Variants in ZNF503 observed in about 807,000 individuals in gnomAD.
ZNF503 encodes zinc finger protein 503, also known as NocA-like zinc finger 2.
Under a neutral mutation model 34.4 loss-of-function variants are expected in ZNF503, and 15 were observed. The ratio of observed to expected loss-of-function variants is 0.44; its 90% CI spans 0.29 to 0.67. The LOEUF (loss-of-function observed/expected upper bound fraction) is 0.67, where lower values mean the gene tolerates loss of function less well. Ranked by LOEUF, ZNF503 falls within the 30% of genes least tolerant of loss-of-function variation. ZNF503 has a pLI of 0.13. For missense variants in ZNF503, 1,007 were observed against 926.8 expected (o/e 1.09, Z -1.12); for synonymous variants, 580 against 456.8 (o/e 1.27, Z -3.44).
the ZNF503 span, among the ~76,000 whole-genome samples, chr10:75,284,455 G>A: frequency 2.0e-5 from 3 of 152,050 alleles, no homozygotes; most frequent in Admixed American, 2.0e-4. Context: ...GAGGGCGATG[G>A]GGAAGAGAGG....
the ZNF503 span, among the ~76,000 whole-genome samples, chr10:75,388,954 C>T: frequency 6.6e-6 from 1 of 152,262 alleles, no homozygotes; most frequent in East Asian, 1.9e-4. Context: ...CATGTGGACT[C>T]ATTTCTGTAA....
chr10:75,398,843 G>A lies in ZNF503; in HGVS notation c.1847C>T (p.Pro616Leu). 1 of 1,503,142 alleles carries A rather than the reference G, an allele frequency of 6.7e-7. No individual in the cohort carries two copies. The highest frequency in any genetic ancestry group is 8.8e-7 in the Non-Finnish European group (1 of 1,131,894). The allele number at this position is 1,503,142 out of a possible 1,614,324, so 93.1% of individuals were successfully genotyped here. The change falls in exon 2 of 2, where the codon CCC becomes CTC. Residue 616 changes from proline (P) to leucine (L), a missense_variant. Coordinates refer to ENST00000372524, the MANE Select transcript of ZNF503 (RefSeq NM_032772.6). ...TCCGGTGGCGGCGGGCACCGGCACG[G>A]GGGCGCCAGGCGTGGGAAGCGGGCT... ...SKSPLPTPGA[P>L]VPVPAATGPY...
chr10:75,351,400 G>T, the ZNF503 span, among the ~76,000 whole-genome samples: 253 of 152,270 alleles, frequency 1.7e-3, no homozygotes, highest in African/African-American at 6.0e-3. Flanking sequence ...TCAAACTCCC[G>T]ACCTTCAGTG....
At chr10:75,395,925 TG>T (rs1843691367), downstream of ZNF503, among the ~76,000 whole-genome samples, 1 of 151,866 alleles carries the variant, frequency 6.6e-6, no homozygotes, top group African/African-American at 2.4e-5. The surrounding 1 kb of genome is among the most constrained non-coding windows in gnomAD (Gnocchi z 4.4). Flanking sequence ...GGCGGGGGAA[TG>T]TCTAGGTCCT....
the ZNF503 span, among the ~76,000 whole-genome samples, chr10:75,374,172 C>T: frequency 6.6e-6 from 1 of 152,098 alleles, no homozygotes; most frequent in African/African-American, 2.4e-5. Context: ...ATTAGCAGGC[C>T]ATGGTGGTGC....
At chr10:75,299,340 C>T in the ZNF503 span, among the ~76,000 whole-genome samples, 1 of 152,196 alleles carries the variant, frequency 6.6e-6, no homozygotes, top group Non-Finnish European at 1.5e-5. Flanking sequence ...TCCCCCATAA[C>T]GTTTTTTAAA....
In ZNF503 at chr10:75,399,256, C is replaced by T; in HGVS notation, c.1434G>A (p.Val478=). ...LVYPTHPLHG[V]HSSLTAAAAA... ...CCGCGGCGGCCGTTAGCGAGGAGTG[C>T]ACACCGTGCAGCGGGTGCGTGGGGT... The change falls in exon 2 of 2, where the codon GTG becomes GTA. Residue 478 remains valine (V), a synonymous_variant. Coordinates refer to ENST00000372524, the MANE Select transcript of ZNF503 (RefSeq NM_032772.6). The T allele has an allele frequency of 6.3e-7, 1 of 1,596,760 alleles. No homozygotes were observed. The highest frequency in any genetic ancestry group is 8.5e-7 in the Non-Finnish European group (1 of 1,171,766).
chr10:75,330,539 T>C, the ZNF503 span, among the ~76,000 whole-genome samples: 1 of 152,176 alleles, frequency 6.6e-6, no homozygotes. Flanking sequence ...TTGTAATTGG[T>C]CTATTCAGGC....
chr10:75,349,628 G>A, the ZNF503 span, among the ~76,000 whole-genome samples: 4 of 152,182 alleles, frequency 2.6e-5, no homozygotes, highest in African/African-American at 9.7e-5. Flanking sequence ...AGGTCTGTCT[G>A]ACTCCAATGC....
At chr10:75,281,530 C>A in the ZNF503 span, among the ~76,000 whole-genome samples, 1 of 152,064 alleles carries the variant, frequency 6.6e-6, no homozygotes, top group East Asian at 1.9e-4. Flanking sequence ...CTCATGAGTA[C>A]CACGACTGGG....
At chr10:75,286,388 G>C in the ZNF503 span, among the ~76,000 whole-genome samples, 13 of 152,140 alleles carry the variant, frequency 8.5e-5, no homozygotes. Flanking sequence ...TTAAATACTG[G>C]GCTAGGGCTG....
At position 75,401,426 on chromosome 10, in the gene ZNF503, C is replaced by G. The variant is rs1035540527; in HGVS notation, c.-7G>C. On this transcript the variant is annotated 5_prime_UTR_variant, in exon 1 of 2. Coordinates refer to ENST00000372524, the MANE Select transcript of ZNF503 (RefSeq NM_032772.6). ...GCGAGGGCGCTGTGCTCATGACCCA[C>G]CCGCGCGCATGGGAGCAGCGGGGGG... 1.3e-6 allele frequency: 2 copies of G among 1,534,280 alleles called. No homozygotes were observed. Among genetic ancestry groups the G allele is most frequent in the East Asian group, 2.5e-5 (1 of 40,460 alleles).
the ZNF503 span, chr10:75,358,292 C>A: frequency 1.1e-4 from 16 of 152,098 alleles, no homozygotes; most frequent in African/African-American, 3.9e-4. Context: ...GGACCTTGCC[C>A]GGCCTCCTCC....
the ZNF503 span, among the ~76,000 whole-genome samples, chr10:75,335,301 A>G: frequency 6.6e-6 from 1 of 152,106 alleles, no homozygotes; most frequent in African/African-American, 2.4e-5. Flanking sequence ...TATTTGACTA[A>G]ATTTTCCTTC....
chr10:75,313,197 T>C, the ZNF503 span, among the ~76,000 whole-genome samples: 1 of 152,308 alleles, frequency 6.6e-6, no homozygotes, highest in Non-Finnish European at 1.5e-5. Flanking sequence ...GTCAGCAAGA[T>C]GGCAAAATAG....
the ZNF503 span, among the ~76,000 whole-genome samples, chr10:75,370,232 G>A: frequency 6.6e-6 from 1 of 152,138 alleles, no homozygotes; most frequent in Non-Finnish European, 1.5e-5. Context: ...ATACTGTTAA[G>A]TTGACTGTCT....
the ZNF503 span, among the ~76,000 whole-genome samples, chr10:75,386,078 A>G: frequency 6.6e-6 from 1 of 151,976 alleles, no homozygotes; most frequent in African/African-American, 2.4e-5. Flanking sequence ...CCATTCCCCC[A>G]TTTCCCCTGG....
Position 75,398,826 on chromosome 10 carries a change from C to T in ZNF503, c.1864G>A (p.Ala622Thr), listed in dbSNP as rs1238462293. The T allele has an allele frequency of 5.3e-6, 8 of 1,497,874 alleles. No homozygotes were observed. Among genetic ancestry groups the T allele is most frequent in the Non-Finnish European group, 6.2e-6 (7 of 1,129,918 alleles). The allele number at this position is 1,497,874 out of a possible 1,614,324, so 92.8% of individuals were successfully genotyped here. A position where few individuals can be genotyped will look rare whatever the true frequency, so the allele number is the denominator to read the frequency against. The change falls in exon 2 of 2, where the codon GCC becomes ACC. Residue 622 changes from alanine to threonine, a missense_variant. Coordinates refer to ENST00000372524, the MANE Select transcript of ZNF503 (RefSeq NM_032772.6). ...TAGGGGGAGTAGTACGGTCCGGTGG[C>T]GGCGGGCACCGGCACGGGGGCGCCA... ...TPGAPVPVPA[A>T]TGPYYSPYAL...
the ZNF503 span, among the ~76,000 whole-genome samples, chr10:75,387,014 C>T: frequency 1.3e-5 from 2 of 152,260 alleles, no homozygotes; most frequent in Admixed American, 6.5e-5. Context: ...ATTGCCTCCA[C>T]GCCTAAGATA....
Sources: allele counts gnomAD v4.1 joint callset (sites outside exome capture counted in the v4.1 genomes callset), GRCh38; gene constraint gnomAD v4.1.1; non-coding constraint Gnocchi (gnomAD v3.1); transcripts MANE v1.5; gene names NCBI Gene and HGNC (gene_info 2026-07-23, HGNC 2026-07-21).